Variants in NRG4 observed in about 807,000 individuals in gnomAD.
The protein encoded by NRG4 is pro-neuregulin-4, membrane-bound isoform.
NRG4 carries 10 observed loss-of-function variants against 15.0 expected under a neutral mutation model. The ratio of observed to expected loss-of-function variants is 0.67; its 90% CI spans 0.41 to 1.13. The LOEUF is 1.13. Among genes scored for constraint, NRG4 ranks in the 50% most tolerant of loss-of-function variants. The pLI, the probability that NRG4 is intolerant of heterozygous loss-of-function variation, is 0.00. For synonymous variants in NRG4, 41 were observed against 50.1 expected, an observed-to-expected ratio of 0.82 and a Z score of 0.77; for missense variants, 139 against 140.2, an observed-to-expected ratio of 0.99 and a Z score of 0.04.
intron 3 of NRG4, among the ~76,000 whole-genome samples, chr15:75,981,371 A>G (rs1404576308): frequency 6.6e-6 from 1 of 152,126 alleles, no homozygotes; most frequent in African/African-American, 2.4e-5. Context: ...GAGGAGAACA[A>G]CCACCCAGCA....
intron 3 of NRG4, among the ~76,000 whole-genome samples, chr15:75,986,727 A>G (rs1178471250): frequency 1.3e-5 from 2 of 152,186 alleles, no homozygotes; most frequent in East Asian, 1.9e-4. Context: ...AGATATGAAT[A>G]TTATCATTTT....
intron 4 of NRG4, among the ~76,000 whole-genome samples, chr15:76,048,691 C>T (rs533510362): frequency 6.6e-6 from 1 of 150,742 alleles, no homozygotes; most frequent in Non-Finnish European, 1.5e-5. Context: ...CTCATACATA[C>T]CTGGGTCTTT....
chr15:75,976,713 G>A (rs953080749), intron 3 of NRG4, among the ~76,000 whole-genome samples: 1 of 152,192 alleles, frequency 6.6e-6, no homozygotes, highest in Non-Finnish European at 1.5e-5. Context: ...CTTCATCCTA[G>A]AGGGGTACCC....
downstream of NRG4, chr15:75,937,276 G>A (rs926395810): frequency 1.3e-5 from 2 of 151,486 alleles, no homozygotes; most frequent in Non-Finnish European, 1.5e-5. Flanking sequence ...TTGGGAGGCC[G>A]AGATGGGCAG....
intron 2 of NRG4, 29 bp from the exon 3 acceptor site, chr15:76,009,322 A>G: frequency 8.8e-7 from 1 of 1,130,506 alleles, no homozygotes; most frequent in Non-Finnish European, 1.2e-6. Flanking sequence ...TAAAATAGAG[A>G]AAAGCAAATT....
chr15:76,014,913 G>T (rs1196336989), upstream of NRG4, among the ~76,000 whole-genome samples: 1 of 152,142 alleles, frequency 6.6e-6, no homozygotes, highest in Non-Finnish European at 1.5e-5. Context: ...GGATGGCATT[G>T]AATCTCTAAA....
At position 76,047,283 on chromosome 15, in the gene NRG4, A is replaced by G. The variant is rs143275208; in HGVS notation, c.-105+4784T>C. 3.3e-5 allele frequency among the ~76,000 whole-genome samples: 5 copies of G among 151,000 alleles called. No individual in the cohort carries two copies. In the East Asian group the frequency reaches 9.6e-4, roughly 29 times the overall value. ...AATTCCACTATGGAGTCTACATCCA[A>G]AAGAAAGGAAATCAATATATCAAAG... On this transcript the variant is annotated intron_variant, in intron 4 of 8. Transcript: ENST00000563910.
intron 5 of NRG4, among the ~76,000 whole-genome samples, chr15:76,030,866 A>C (rs1369607297): frequency 6.6e-6 from 1 of 152,258 alleles, no homozygotes; most frequent in Non-Finnish European, 1.5e-5. Context: ...TGAAGAATGA[A>C]CATTTCCCAA....
chr15:76,036,586 TCTA>T (rs922941057), intron 4 of NRG4, among the ~76,000 whole-genome samples: 9 of 152,296 alleles, frequency 5.9e-5, no homozygotes, highest in Admixed American at 3.3e-4. Flanking sequence ...AATCATTGTG[TCTA>T]CTTTCTTCAT....
At chr15:76,009,516 A>G (rs961157577) in intron 2 of NRG4, among the ~76,000 whole-genome samples, 1 of 152,184 alleles carries the variant, frequency 6.6e-6, no homozygotes, top group Non-Finnish European at 1.5e-5. Flanking sequence ...GCCATTAACT[A>G]TAATGGGTTT....
intron 3 of NRG4, among the ~76,000 whole-genome samples, chr15:75,992,473 C>A (rs1428215464): frequency 6.6e-6 from 1 of 152,018 alleles, no homozygotes; most frequent in Non-Finnish European, 1.5e-5. Context: ...TTTTAAACAG[C>A]CTTATTGAGA....
chr15:75,962,818 TTTAATA>T (rs1354851125), intron 3 of NRG4, among the ~76,000 whole-genome samples: 1 of 152,186 alleles, frequency 6.6e-6, no homozygotes, highest in Non-Finnish European at 1.5e-5. Flanking sequence ...TAAAAAACAC[TTTAATA>T]TTAACTAATA....
intron 2 of NRG4, among the ~76,000 whole-genome samples, chr15:76,056,633 GTTATA>G (rs1372570953): frequency 2.0e-5 from 3 of 151,978 alleles, no homozygotes; most frequent in Non-Finnish European, 2.9e-5. Flanking sequence ...AATAAGTGAG[GTTATA>G]TTATAACATT....
At chr15:76,054,283 G>A (rs747216218) in intron 2 of NRG4, among the ~76,000 whole-genome samples, 17 of 150,532 alleles carry the variant, frequency 1.1e-4, no homozygotes, top group Non-Finnish European at 2.2e-4. Flanking sequence ...TGGAGAAGGG[G>A]TTTCACCAGA....
At chr15:75,993,457 C>G (rs1352906910) in intron 3 of NRG4, among the ~76,000 whole-genome samples, 2 of 149,918 alleles carry the variant, frequency 1.3e-5, no homozygotes, top group Non-Finnish European at 3.0e-5. Context: ...TGGCTCACAC[C>G]TGTAATCCCA....
intron 5 of NRG4, among the ~76,000 whole-genome samples, chr15:76,018,977 C>T (rs2035068897): frequency 6.6e-6 from 1 of 152,074 alleles, no homozygotes; most frequent in Non-Finnish European, 1.5e-5. Flanking sequence ...GGGGTTTTAT[C>T]CATAACCCCC....
intron 4 of NRG4, among the ~76,000 whole-genome samples, chr15:76,040,415 G>T (rs1296047374): frequency 6.6e-6 from 1 of 152,104 alleles, no homozygotes; most frequent in Non-Finnish European, 1.5e-5. Context: ...TGTCCTACAA[G>T]AAATGCTAAA....
chr15:75,993,057 C>T (rs1056855066), intron 3 of NRG4, among the ~76,000 whole-genome samples: 1 of 152,004 alleles, frequency 6.6e-6, no homozygotes, highest in Non-Finnish European at 1.5e-5. Flanking sequence ...CTTCCACTAT[C>T]TTTTGGTCTC....
At chr15:75,958,359 CAT>C (rs1281309211) in intron 4 of NRG4, among the ~76,000 whole-genome samples, 2 of 152,156 alleles carry the variant, frequency 1.3e-5, no homozygotes, top group African/African-American at 4.8e-5. Flanking sequence ...TATTTTATAT[CAT>C]GTGTCTGATT....
Sources: allele counts gnomAD v4.1 joint callset (sites outside exome capture counted in the v4.1 genomes callset), GRCh38; gene constraint gnomAD v4.1.1; transcripts MANE v1.5; gene names NCBI Gene and HGNC (gene_info 2026-07-23, HGNC 2026-07-21).